The following SKAP1 variants were observed in gnomAD, a reference collection of about 807,000 sequenced individuals.
The protein encoded by SKAP1 is src kinase associated phosphoprotein 1, also known as src kinase-associated phosphoprotein 1.
In SKAP1, 44 loss-of-function variants were observed where a neutral mutation model predicts 58.5. That is an observed-to-expected ratio of 0.75 (90% confidence interval 0.59 to 0.97). SKAP1 has a LOEUF of 0.97. Among genes scored for constraint, SKAP1 ranks in the 50% least tolerant of loss-of-function variants. The probability of loss-of-function intolerance (pLI) is 0.00; values close to 1 mark genes in which losing one functional copy is unlikely to be tolerated. For synonymous variants in SKAP1, 127 were observed against 149.7 expected, an observed-to-expected ratio of 0.85 and a Z score of 1.11; for missense variants, 390 against 435.2, an observed-to-expected ratio of 0.90 and a Z score of 0.92.
chr17:48,372,128 T>C (rs1203226596), intron 2 of SKAP1, among the ~76,000 whole-genome samples: 1 of 151,872 alleles, frequency 6.6e-6, no homozygotes, highest in Non-Finnish European at 1.5e-5. Context: ...TGTGCCACCA[T>C]ACCCAGTTAA....
At chr17:48,401,737 G>GA (rs140033164) in intron 1 of SKAP1, among the ~76,000 whole-genome samples, 69 of 149,694 alleles carry the variant, frequency 4.6e-4, no homozygotes, top group Non-Finnish European at 9.1e-4. Flanking sequence ...ATGACACCAA[G>GA]AAAAAAAAAG....
chr17:48,383,125 C>T (rs1567892438), intron 2 of SKAP1, among the ~76,000 whole-genome samples: 1 of 152,210 alleles, frequency 6.6e-6, no homozygotes, highest in Middle Eastern at 3.2e-3. Flanking sequence ...AAATTATCTG[C>T]TTCCGGTCTA....
chr17:48,436,062 T>C, the SKAP1 span, among the ~76,000 whole-genome samples: 1 of 152,106 alleles, frequency 6.6e-6, no homozygotes, highest in South Asian at 2.1e-4. Flanking sequence ...TTTTTTTTCT[T>C]TCTAAATGTC....
At chr17:48,209,964 C>T (rs1172302648) in intron 4 of SKAP1, among the ~76,000 whole-genome samples, 1 of 152,220 alleles carries the variant, frequency 6.6e-6, no homozygotes, top group Non-Finnish European at 1.5e-5. Context: ...GCATTATTCC[C>T]TGTTGAACTA....
At chr17:48,160,106 C>T (rs2064046209) in intron 11 of SKAP1, among the ~76,000 whole-genome samples, 2 of 152,102 alleles carry the variant, frequency 1.3e-5, no homozygotes, top group Admixed American at 1.3e-4. Flanking sequence ...GAATTAAACC[C>T]TGATATATTT....
chr17:48,169,122 T>A (rs78941611), intron 10 of SKAP1, among the ~76,000 whole-genome samples: 18 of 136,102 alleles, frequency 1.3e-4, no homozygotes, highest in Non-Finnish European at 2.6e-4. Context: ...TTTTTTTTTT[T>A]AAACCTACTT....
chr17:48,205,864 G>T (rs1281779501), intron 4 of SKAP1, among the ~76,000 whole-genome samples: 2 of 152,120 alleles, frequency 1.3e-5, no homozygotes, highest in Non-Finnish European at 2.9e-5. Context: ...AAAGTCTCAA[G>T]AAATTGACCT....
At chr17:48,437,622 G>A in the SKAP1 span, among the ~76,000 whole-genome samples, 2 of 150,924 alleles carry the variant, frequency 1.3e-5, no homozygotes, top group Non-Finnish European at 2.9e-5. Flanking sequence ...CACGCTTTTA[G>A]TCCCAGCTAC....
At chr17:48,248,146 T>C (rs1353274804) in intron 4 of SKAP1, among the ~76,000 whole-genome samples, 2 of 152,106 alleles carry the variant, frequency 1.3e-5, no homozygotes, top group Non-Finnish European at 2.9e-5. Context: ...ACTGATTAGC[T>C]ATATTTTTAC....
chr17:48,188,288 G>A (rs2064486156), intron 5 of SKAP1, among the ~76,000 whole-genome samples: 1 of 152,236 alleles, frequency 6.6e-6, no homozygotes, highest in Non-Finnish European at 1.5e-5. Context: ...CCTTGGCCAT[G>A]AAAGAGCCTT....
In SKAP1 at chr17:48,342,365, T is replaced by C. The variant is rs185318153; in HGVS notation, c.280+3540A>G. The stretch of plus-strand genomic sequence containing the variant: ...ACAGGCTCTCATTTTTATGCATGGG[T>C]TAGCCTGTAACCTTGGTTTTCATTT... On this transcript the variant is annotated intron_variant, in intron 4 of 12. Transcript: ENST00000336915. 4.0e-3 allele frequency among the ~76,000 whole-genome samples: 608 copies of C among 152,312 alleles called. 8 individuals carry two copies. The highest frequency in any genetic ancestry group is 0.014 in the African/African-American group (582 of 41,554).
At chr17:48,337,633 T>TA (rs1438235387) in intron 4 of SKAP1, among the ~76,000 whole-genome samples, 1 of 152,220 alleles carries the variant, frequency 6.6e-6, no homozygotes, top group Non-Finnish European at 1.5e-5. Context: ...TTCAGGGGCT[T>TA]AATGCACGTT....
chr17:48,372,125 C>T (rs1031211677), intron 2 of SKAP1, among the ~76,000 whole-genome samples: 1 of 151,894 alleles, frequency 6.6e-6, no homozygotes, highest in Admixed American at 6.6e-5. Flanking sequence ...ACGTGTGCCA[C>T]CATACCCAGT....
chr17:48,203,428 T>G (rs1315727134), intron 4 of SKAP1, among the ~76,000 whole-genome samples: 1 of 152,200 alleles, frequency 6.6e-6, no homozygotes, highest in Non-Finnish European at 1.5e-5. Context: ...GCTGTATAAG[T>G]TTATTTAAAA....
intron 4 of SKAP1, among the ~76,000 whole-genome samples, chr17:48,224,024 G>GAA (rs1198837066): frequency 1.6e-5 from 2 of 125,492 alleles, no homozygotes; most frequent in Admixed American, 1.7e-4. Flanking sequence ...GAGAGAGAGA[G>GAA]AGAGAGAGAG....
chr17:48,200,486 C>T (rs2064714025), intron 4 of SKAP1, among the ~76,000 whole-genome samples: 1 of 151,842 alleles, frequency 6.6e-6, no homozygotes, highest in Non-Finnish European at 1.5e-5. Context: ...AAGCAATTCT[C>T]CTGCCTCAGC....
chr17:48,280,473 TG>T (rs1471753149), intron 4 of SKAP1, among the ~76,000 whole-genome samples: 2 of 151,924 alleles, frequency 1.3e-5, no homozygotes, highest in Non-Finnish European at 2.9e-5. Context: ...GGTGACAGAG[TG>T]AGACTCTGTC....
In SKAP1 at chr17:48,137,261, G is replaced by A; in HGVS notation, c.1055C>T (p.Thr352Ile). ...TCATCTTTCTTCCACTTCAAAGGCA[G>A]TGGTGAGATACTCCTTTGGAACAAT... ...VGIVPKEYLT[T>I]AFEVEER Residue 352 changes from threonine (T) to isoleucine (I), a missense_variant, in exon 12 of 13, where the codon ACT becomes ATT. Coordinates refer to ENST00000336915, the MANE Select transcript of SKAP1 (RefSeq NM_003726.4). 7 of 1,613,632 alleles carry A rather than the reference G, an allele frequency of 4.3e-6. No homozygotes were observed. Among genetic ancestry groups the A allele is most frequent in the Non-Finnish European group, 5.9e-6 (7 of 1,179,604 alleles).
chr17:48,178,856 C>T (rs897714147), intron 9 of SKAP1, among the ~76,000 whole-genome samples: 3 of 152,178 alleles, frequency 2.0e-5, no homozygotes, highest in East Asian at 3.9e-4. Context: ...CTGGAGAAGT[C>T]GGGACTGGTA....
Sources: allele counts gnomAD v4.1 joint callset (sites outside exome capture counted in the v4.1 genomes callset), GRCh38; gene constraint gnomAD v4.1.1; transcripts MANE v1.5; gene names NCBI Gene and HGNC (gene_info 2026-07-23, HGNC 2026-07-21).